The following CORO7 variants were observed in gnomAD, a reference collection of about 807,000 sequenced individuals.
CORO7 encodes the protein coronin 7.
CORO7 carries 107 observed loss-of-function variants against 126.6 expected under a neutral mutation model. That is an observed-to-expected ratio of 0.85 (90% CI 0.72 to 0.99). The LOEUF is 0.99. CORO7 is among the 50% of genes least tolerant of loss of function. The pLI is 0.00. For synonymous variants in CORO7, 603 were observed against 536.8 expected, an observed-to-expected ratio of 1.12 and a Z score of -1.70; for missense variants, 1,314 against 1,255.8, an observed-to-expected ratio of 1.05 and a Z score of -0.70.
At chr16:4,386,480 G>A (rs901732322) in intron 9 of CORO7, among the ~76,000 whole-genome samples, 3 of 152,194 alleles carry the variant, frequency 2.0e-5, no homozygotes, top group Non-Finnish European at 2.9e-5. Context: ...GTCTGACCTA[G>A]AAAGGTCTAG....
intron 9 of CORO7, among the ~76,000 whole-genome samples, chr16:4,370,263 G>A (rs2054479517): frequency 6.6e-6 from 1 of 152,248 alleles, no homozygotes; most frequent in South Asian, 2.1e-4. Flanking sequence ...GCACAGCACT[G>A]ATTGGAAACT....
At chr16:4,372,994 C>T (rs1447094401) in intron 9 of CORO7, among the ~76,000 whole-genome samples, 1 of 152,164 alleles carries the variant, frequency 6.6e-6, no homozygotes, top group African/African-American at 2.4e-5. Context: ...GGTCCCTTCA[C>T]ACTAGACTGT....
chr16:4,396,121 C>T (rs2055581686), intron 6 of CORO7, among the ~76,000 whole-genome samples: 1 of 151,976 alleles, frequency 6.6e-6, no homozygotes, highest in African/African-American at 2.4e-5. Context: ...GCTCTGTCAC[C>T]CATGCTGGAG....
In CORO7 at chr16:4,364,560, G is replaced by A. The variant is rs565593678; in HGVS notation, c.1137+37C>T. The A allele has an allele frequency of 1.2e-5, 18 of 1,538,180 alleles. 1 individual carries two copies. Among genetic ancestry groups the A allele is most frequent in the Middle Eastern group, 2.2e-4 (1 of 4,462 alleles). The stretch of plus-strand genomic sequence containing the variant: ...AGCCACACGGGGCTACCAGGGACTC[G>A]GGGAGGCTGGGAGAGGTGAGCCAGC... On this transcript the variant is annotated intron_variant, in intron 13 of 27. Transcript: ENST00000251166.
intron 24 of CORO7, 35 bp downstream of exon 24, chr16:4,358,331 GC>G (rs1296805409): frequency 6.2e-7 from 1 of 1,605,094 alleles, no homozygotes; most frequent in East Asian, 2.2e-5. Context: ...CACCGAGAAG[GC>G]GGTGGGCATG....
intron 7 of CORO7, among the ~76,000 whole-genome samples, chr16:4,390,584 G>A (rs1178227860): frequency 6.6e-6 from 1 of 152,234 alleles, no homozygotes; most frequent in Non-Finnish European, 1.5e-5. Flanking sequence ...AGGTGGGGAC[G>A]AGGGAGGCGG....
chr16:4,378,530 G>A (rs549287352), intron 9 of CORO7, among the ~76,000 whole-genome samples: 4 of 152,278 alleles, frequency 2.6e-5, no homozygotes, highest in Admixed American at 1.3e-4. Flanking sequence ...CGCACCCGCC[G>A]TCCTCTGAGT....
intron 9 of CORO7, among the ~76,000 whole-genome samples, chr16:4,373,110 T>C (rs2054591956): frequency 6.6e-6 from 1 of 152,128 alleles, no homozygotes; most frequent in African/African-American, 2.4e-5. Flanking sequence ...GGCCCAGCTA[T>C]TGACAAAAAC....
chr16:4,404,867 G>A (rs1315673437), intron 6 of CORO7, among the ~76,000 whole-genome samples: 2 of 151,958 alleles, frequency 1.3e-5, no homozygotes, highest in Non-Finnish European at 2.9e-5. Flanking sequence ...ATGCGAATCC[G>A]CTCCCCTCAC....
At chr16:4,387,836 G>A in intron 9 of CORO7, 150 bp downstream of exon 9, 1 of 936,364 alleles carries the variant, frequency 1.1e-6, no homozygotes, top group Admixed American at 2.3e-5. Flanking sequence ...ACAGGGCCAG[G>A]TGTCTGTTGC....
intron 9 of CORO7, chr16:4,382,502 G>C (rs1396632981): frequency 6.3e-7 from 1 of 1,592,106 alleles, no homozygotes; most frequent in Non-Finnish European, 8.6e-7. Flanking sequence ...GGGCCCGGGC[G>C]GGTGCCGGAG....
At chr16:4,381,750 G>A in intron 9 of CORO7, 1 of 1,603,022 alleles carries the variant, frequency 6.2e-7, no homozygotes. Context: ...CCCGCCTGCG[G>A]CTGCTGGCAG....
intron 7 of CORO7, 130 bp downstream of exon 7, chr16:4,395,158 TG>T: frequency 7.5e-7 from 1 of 1,334,138 alleles, no homozygotes; most frequent in Non-Finnish European, 1.0e-6. Flanking sequence ...GTCCACCTCC[TG>T]GGGACCCCTG....
chr16:4,388,596 C>T lies in CORO7; in HGVS notation c.651G>A (p.Arg217=). ...TQAHENSRDS[R]LAWMGTWEHL... ...GCTCCCAGGTGCCCATCCATGCCAG[C>T]CGGCTATCCCTGCTGTTCTCATGGG... is the stretch of plus-strand genomic sequence containing the variant. The change falls in exon 8 of 28, where the codon CGG becomes CGA. Residue 217 remains arginine, a synonymous_variant. Coordinates refer to ENST00000251166, the MANE Select transcript of CORO7 (RefSeq NM_024535.5). 3 of 1,612,998 alleles carry T rather than the reference C, an allele frequency of 1.9e-6. No individual in the cohort carries two copies. The highest frequency in any genetic ancestry group is 2.5e-6 in the Non-Finnish European group (3 of 1,179,792).
chr16:4,374,405 G>T (rs1449848714), intron 9 of CORO7, among the ~76,000 whole-genome samples: 1 of 152,162 alleles, frequency 6.6e-6, no homozygotes, highest in Non-Finnish European at 1.5e-5. Flanking sequence ...GGCAGGGGGT[G>T]GGGGCAGGCG....
intron 6 of CORO7, among the ~76,000 whole-genome samples, chr16:4,402,815 G>A (rs942702084): frequency 1.8e-4 from 27 of 152,228 alleles, no homozygotes; most frequent in Admixed American, 5.9e-4. Context: ...CAGCAGGCCG[G>A]AATGGGCCAT....
chr16:4,372,586 C>T (rs577791979), intron 9 of CORO7, among the ~76,000 whole-genome samples: 3 of 152,302 alleles, frequency 2.0e-5, no homozygotes, highest in East Asian at 1.9e-4. Context: ...GGCAGGGTGC[C>T]GGGTCTCTGC....
At chr16:4,372,434 C>A (rs1294057650) in intron 9 of CORO7, among the ~76,000 whole-genome samples, 1 of 152,238 alleles carries the variant, frequency 6.6e-6, no homozygotes. Flanking sequence ...CCTCTGGACC[C>A]TTGTCACTCA....
In CORO7 at chr16:4,388,949, G is replaced by A. The variant is rs1011369588; in HGVS notation, c.616-318C>T. ...CAGCTCCAGGCCCCTTCCCTGCTGC[G>A]CCAGGGGCTAAAGGCACTGGCACTT... On this transcript the variant is annotated intron_variant, in intron 7 of 27. Transcript: ENST00000251166. Among the ~76,000 whole-genome samples, 142 of 152,300 alleles carry A rather than the reference G, an allele frequency of 9.3e-4. 1 individual carries two copies. The highest frequency in any genetic ancestry group is 3.1e-3 in the African/African-American group (128 of 41,568).
Sources: gnomAD v4.1 joint callset for allele counts (sites outside exome capture counted in the v4.1 genomes callset) on GRCh38, gnomAD v4.1.1 for gene constraint, MANE v1.5 for transcripts, NCBI Gene and HGNC (gene_info 2026-07-23, HGNC 2026-07-21) for gene names.